Variants in CD163L1 observed in about 807,000 individuals in gnomAD.
CD163L1 encodes the protein CD163 molecule like 1, also known as scavenger receptor cysteine-rich type 1 protein M160.
CD163L1 carries 124 observed loss-of-function variants against 165.4 expected under a neutral mutation model. That is an observed-to-expected ratio of 0.75 (90% CI 0.65 to 0.87). CD163L1 has a LOEUF of 0.87. CD163L1 is among the 40% of genes least tolerant of loss of function. The pLI, the probability that CD163L1 is intolerant of heterozygous loss-of-function variation, is 0.00. For missense variants in CD163L1, 1,525 were observed against 1,799.9 expected (o/e 0.85, Z 2.76); for synonymous variants, 585 against 662.2 (o/e 0.88, Z 1.79).
At chr12:7,416,461 GCTTTTGGTGTTTTAGTCATGAAGT>G (rs1470985714) in intron 4 of CD163L1, among the ~76,000 whole-genome samples, 1 of 152,168 alleles carries the variant, frequency 6.6e-6, no homozygotes, top group South Asian at 2.1e-4. Flanking sequence ...TGTTGCCATT[GCTTTTGGTGTTTTAGTCATGAAGT>G]CTTTGCCCAT....
chr12:7,356,539 A>G (rs1002489702), intron 19 of CD163L1, among the ~76,000 whole-genome samples: 3 of 152,144 alleles, frequency 2.0e-5, no homozygotes, highest in Admixed American at 6.6e-5. Flanking sequence ...CCTGGCATTT[A>G]TTCCCATAAA....
the CD163L1 span, among the ~76,000 whole-genome samples, chr12:7,337,990 AAAG>A: frequency 1.3e-5 from 2 of 152,230 alleles, no homozygotes; most frequent in Non-Finnish European, 2.9e-5. Context: ...CAGCCATAAA[AAAG>A]AATGAGTTCA....
At chr12:7,320,036 G>A in the CD163L1 span, among the ~76,000 whole-genome samples, 121 of 152,264 alleles carry the variant, frequency 7.9e-4, 1 homozygote, top group Middle Eastern at 3.4e-3. Context: ...TGACAATCCA[G>A]GCAGCCCAGA....
rs1210542064 is a variant in CD163L1 at position 7,372,077 on chromosome 12, T to C, written c.3730+1243A>G. On this transcript the variant is annotated intron_variant, in intron 14 of 19. Transcript: ENST00000313599. The surrounding 1 kb of genome is among the most constrained non-coding windows in gnomAD (Gnocchi z 4.2). ...TAAAAAGAAGCAAAATGCTTAAAAA[T>C]ATGAACCACAAACAGACAATATTCA... is the stretch of plus-strand genomic sequence containing the variant. 6.6e-6 allele frequency among the ~76,000 whole-genome samples: 1 copy of C among 152,070 alleles called. No homozygotes were observed. Among genetic ancestry groups the C allele is most frequent in the Non-Finnish European group, 1.5e-5 (1 of 67,952 alleles).
chr12:7,365,104 A>G (rs953347890), intron 18 of CD163L1, among the ~76,000 whole-genome samples: 7 of 152,220 alleles, frequency 4.6e-5, no homozygotes, highest in Non-Finnish European at 1.0e-4. Context: ...GAGAACCCAG[A>G]TATAAATCCA....
rs1946675784 is a variant in CD163L1 at position 7,347,148 on chromosome 12, CT to C, written c.*25-2del. 2.0e-5 allele frequency: 3 copies of C among 152,152 alleles called. No homozygotes were observed. Among genetic ancestry groups the C allele is most frequent in the Admixed American group, 1.3e-4 (2 of 15,280 alleles). 9.4% of individuals were successfully genotyped at this position (152,152 alleles called of 1,614,324 possible). ...TTAACATCACCCACATATCAAGATT[CT>C]ATTTTTAAAGAAATTAATTGTAAGT... On this transcript the variant is annotated splice_acceptor_variant, in intron 4 of 4. Transcript: ENST00000539726. LOFTEE classifies it low-confidence loss of function (3UTR_SPLICE). The surrounding 1 kb of genome is among the most constrained non-coding windows in gnomAD (Gnocchi z 4.2).
In CD163L1 at chr12:7,374,944, TG is replaced by T. The variant is rs1306491939; in HGVS notation, c.3002-22del. 6.2e-7 allele frequency: 1 copy of T among 1,611,428 alleles called. No individual in the cohort carries two copies. The highest frequency in any genetic ancestry group is 8.5e-7 in the Non-Finnish European group (1 of 1,177,680). On this transcript the variant is annotated intron_variant, in intron 11 of 19. Transcript: ENST00000313599. This position sits in a 1 kb window ranked among gnomAD's most constrained non-coding sequence, Gnocchi z 5.4. ...GCTTCCTGGTGGAGGGTGCAGGAAA[TG>T]GGGCAAAAGTAAGACCAAAATACAT...
intron 8 of CD163L1, among the ~76,000 whole-genome samples, chr12:7,389,322 T>C (rs192927598): frequency 1.8e-4 from 28 of 152,340 alleles, no homozygotes; most frequent in Admixed American, 1.2e-3. Context: ...TGATATCTCA[T>C]TGTATTTTTG....
Position 7,432,603 on chromosome 12 carries a change from G to A in CD163L1, c.579C>T (p.Cys193=). Residue 193 remains cysteine, a synonymous_variant, in exon 4 of 20, where the codon TGC becomes TGT. Coordinates refer to ENST00000313599, the MANE Select transcript of CD163L1 (RefSeq NM_174941.6). This position sits in a 1 kb window ranked among gnomAD's most constrained non-coding sequence, Gnocchi z 4.2. ...GWNLNTAAVV[C]RQLGCPSSFI... is the part of the protein sequence containing the mutation. ...AAGAAGATGGACATCCTAGTTGCCT[G>A]CACACCACGGCAGCAGTATTCAAGT... The A allele has an allele frequency of 6.2e-7, 1 of 1,614,130 alleles. No individual in the cohort carries two copies. The highest frequency in any genetic ancestry group is 8.5e-7 in the Non-Finnish European group (1 of 1,180,036).
At chr12:7,363,502 G>T (rs1348235805) in intron 18 of CD163L1, among the ~76,000 whole-genome samples, 1 of 151,694 alleles carries the variant, frequency 6.6e-6, no homozygotes, top group Non-Finnish European at 1.5e-5. Context: ...TTGATTTTTT[G>T]GAAAGATAAA....
At chr12:7,318,821 A>G in the CD163L1 span, among the ~76,000 whole-genome samples, 1 of 152,182 alleles carries the variant, frequency 6.6e-6, no homozygotes, top group Non-Finnish European at 1.5e-5. Context: ...ATATTATTAC[A>G]TACAAACCAT....
Position 7,398,723 on chromosome 12 carries a change from G to T in CD163L1, c.1409-139C>A. 2 of 690,576 alleles carry T rather than the reference G, an allele frequency of 2.9e-6. No homozygotes were observed. Among genetic ancestry groups the T allele is most frequent in the South Asian group, 4.9e-5 (1 of 20,538 alleles). The allele number at this position is 690,576 out of a possible 1,614,324, so 42.8% of individuals were successfully genotyped here. A position where few individuals can be genotyped will look rare whatever the true frequency, so the allele number is the denominator to read the frequency against. On this transcript the variant is annotated intron_variant, in intron 6 of 19. Coordinates refer to ENST00000313599, the MANE Select transcript of CD163L1 (RefSeq NM_174941.6). The surrounding 1 kb of genome is among the most constrained non-coding windows in gnomAD (Gnocchi z 4.5). ...AGGCACACTTTTGAATGAAAAGTTT[G>T]GTTTTCTTTCTTTTGACAATTTTTT...
At chr12:7,319,700 C>G in the CD163L1 span, among the ~76,000 whole-genome samples, 2 of 152,070 alleles carry the variant, frequency 1.3e-5, no homozygotes, top group Non-Finnish European at 2.9e-5. Context: ...AGAAACCAGT[C>G]TGTCCTTTGG....
chr12:7,390,624 CG>C (rs1235561866), intron 8 of CD163L1, among the ~76,000 whole-genome samples: 3 of 152,036 alleles, frequency 2.0e-5, no homozygotes, highest in Admixed American at 6.6e-5. Context: ...GATAACTCTA[CG>C]TCTACCTACA....
At chr12:7,333,961 A>G in the CD163L1 span, among the ~76,000 whole-genome samples, 7 of 152,176 alleles carry the variant, frequency 4.6e-5, no homozygotes, top group Middle Eastern at 3.2e-3. Context: ...ATCTCTGAAT[A>G]GACCAATAAC....
In CD163L1 at chr12:7,400,259, A is replaced by G. The variant is rs12312491; in HGVS notation, c.1409-1675T>C. 0.11 allele frequency among the ~76,000 whole-genome samples: 17,449 copies of G among 152,184 alleles called. 1,877 individuals carry two copies. Among genetic ancestry groups the G allele is most frequent in the African/African-American group, 0.28 (11,485 of 41,458 alleles). The stretch of plus-strand genomic sequence containing the variant: ...TGAGTATGTCACCAAGTGCTTCCAC[A>G]ATATAATGGAAACCAATGTATTCAA... On this transcript the variant is annotated intron_variant, in intron 6 of 19. Coordinates refer to ENST00000313599, the MANE Select transcript of CD163L1 (RefSeq NM_174941.6). This position sits in a 1 kb window ranked among gnomAD's most constrained non-coding sequence, Gnocchi z 4.1.
rs1020033908 is a variant in CD163L1 at position 7,398,363 on chromosome 12, A to G, written c.1630T>C (p.Ser544Pro). ...ATATTTGACTCATTTCCAATGCAAGAAACGTCATCCAGCCAAATAGGTCCT... is the reference window on the plus strand; with the variant it reads ...ATATTTGACTCATTTCCAATGCAAGGAACGTCATCCAGCCAAATAGGTCCT... ...ASGPIWLDDV[S>P]CIGNESNIWD... is the part of the protein sequence containing the mutation. Residue 544 changes from serine (S) to proline (P), a missense_variant, in exon 7 of 20, where the codon TCT becomes CCT. By Grantham distance (74) the Ser-to-Pro change is moderately conservative. Transcript: ENST00000313599. The surrounding 1 kb of genome is among the most constrained non-coding windows in gnomAD (Gnocchi z 4.5). The G allele has an allele frequency of 1.9e-6, 3 of 1,614,094 alleles. No homozygotes were observed. Among genetic ancestry groups the G allele is most frequent in the Non-Finnish European group, 2.5e-6 (3 of 1,180,036 alleles).
the CD163L1 span, chr12:7,322,291 G>A: frequency 2.3e-6 from 3 of 1,319,584 alleles, no homozygotes; most frequent in Non-Finnish European, 3.2e-6. Context: ...ACAAGTATTT[G>A]TTGAATGAAC....
chr12:7,321,598 G>A, the CD163L1 span, among the ~76,000 whole-genome samples: 1 of 152,162 alleles, frequency 6.6e-6, no homozygotes, highest in African/African-American at 2.4e-5. Context: ...GTAATTCAGG[G>A]ACTATTCAAT....
Sources: allele counts gnomAD v4.1 joint callset (sites outside exome capture counted in the v4.1 genomes callset), GRCh38; gene constraint gnomAD v4.1.1; non-coding constraint Gnocchi (gnomAD v3.1); transcripts MANE v1.5; gene names NCBI Gene and HGNC (gene_info 2026-07-23, HGNC 2026-07-21).